Variants in RBFOX1 observed in about 807,000 individuals in gnomAD.
RBFOX1 encodes RNA binding fox-1 homolog 1.
A neutral mutation model predicts 57.7 loss-of-function variants in RBFOX1; 8 were observed. That is an observed-to-expected ratio of 0.14 (90% CI 0.08 to 0.25). RBFOX1 has a LOEUF of 0.25. RBFOX1 is among the 10% of genes least tolerant of loss of function. RBFOX1 has a pLI of 1.00. For synonymous variants in RBFOX1, 326 were observed against 222.4 expected, an observed-to-expected ratio of 1.47 and a Z score of -4.15; for missense variants, 611 against 548.5, an observed-to-expected ratio of 1.11 and a Z score of -1.14.
chr16:5,711,652 C>A (rs888091194), intron 3 of RBFOX1, among the ~76,000 whole-genome samples: 1 of 152,142 alleles, frequency 6.6e-6, no homozygotes, highest in Admixed American at 6.5e-5. Flanking sequence ...TGAACTGGAA[C>A]CAAATCTTAA....
At chr16:6,655,781 C>A (rs1032010839) in intron 3 of RBFOX1, among the ~76,000 whole-genome samples, 1 of 152,134 alleles carries the variant, frequency 6.6e-6, no homozygotes, top group African/African-American at 2.4e-5. Flanking sequence ...TTTCTCCTTT[C>A]AAGTGTACCA....
chr16:7,415,546 C>T (rs991786212), intron 4 of RBFOX1, among the ~76,000 whole-genome samples: 1 of 152,152 alleles, frequency 6.6e-6, no homozygotes, highest in African/African-American at 2.4e-5. Context: ...TGAAACCCAC[C>T]TGTCCACTTT....
chr16:7,208,261 C>A (rs1274898232), intron 4 of RBFOX1, among the ~76,000 whole-genome samples: 1 of 152,198 alleles, frequency 6.6e-6, no homozygotes, highest in African/African-American at 2.4e-5. Flanking sequence ...AATCCTGGCT[C>A]CCTTTGCCTC....
At chr16:5,828,663 C>T (rs2056160227) in intron 3 of RBFOX1, among the ~76,000 whole-genome samples, 1 of 151,998 alleles carries the variant, frequency 6.6e-6, no homozygotes, top group African/African-American at 2.4e-5. Context: ...CATGCTACTG[C>T]AGTCCAGCCT....
chr16:6,263,703 T>G (rs975161875), intron 1 of RBFOX1, among the ~76,000 whole-genome samples: 2 of 151,852 alleles, frequency 1.3e-5, no homozygotes, highest in Non-Finnish European at 2.9e-5. Flanking sequence ...TTTTGTAAAT[T>G]GAGGAATTTT....
chr16:5,779,796 TG>T (rs772158042), intron 3 of RBFOX1, among the ~76,000 whole-genome samples: 4 of 152,208 alleles, frequency 2.6e-5, no homozygotes, highest in Non-Finnish European at 5.9e-5. Context: ...AGGCCACGAC[TG>T]TCTTGTCTAA....
intron 3 of RBFOX1, among the ~76,000 whole-genome samples, chr16:6,860,335 T>G (rs1209507366): frequency 1.3e-5 from 2 of 152,176 alleles, no homozygotes; most frequent in East Asian, 1.9e-4. Flanking sequence ...TGTTTTTGGC[T>G]GGGGGTGGTA....
At chr16:6,140,137 A>G (rs1043654970) in intron 1 of RBFOX1, among the ~76,000 whole-genome samples, 1 of 151,464 alleles carries the variant, frequency 6.6e-6, no homozygotes, top group African/African-American at 2.4e-5. Context: ...TTAAGATACT[A>G]CTGTCTGATA....
chr16:5,261,004 G>T (rs1362310000), intron 1 of RBFOX1: 1 of 152,204 alleles, frequency 6.6e-6, no homozygotes. Flanking sequence ...CGGTCGATTG[G>T]TCATGAACTT....
At chr16:7,521,957 A>G (rs1271338186) in intron 5 of RBFOX1, among the ~76,000 whole-genome samples, 1 of 152,146 alleles carries the variant, frequency 6.6e-6, no homozygotes, top group African/African-American at 2.4e-5. Context: ...TTCAGGCTCC[A>G]GTCACCACCT....
At chr16:6,259,315 C>T (rs1310806190) in intron 1 of RBFOX1, among the ~76,000 whole-genome samples, 1 of 152,090 alleles carries the variant, frequency 6.6e-6, no homozygotes, top group Non-Finnish European at 1.5e-5. Context: ...CAGTCTCCCT[C>T]CTCTCCTCTC....
At position 6,177,469 on chromosome 16, in the gene RBFOX1, G is replaced by T. The variant is rs10500333; in HGVS notation, c.-126-139526G>T. 5.5e-3 allele frequency among the ~76,000 whole-genome samples: 840 copies of T among 152,066 alleles called. 5 individuals are homozygous for T. The highest frequency in any genetic ancestry group is 0.016 in the Admixed American group (244 of 15,260). Reference sequence around the variant, plus strand: ...GAGGTGGTGTGCATATCATGTGAATGGAAAGGCTTAATAATTTTCATACTG... The same window carrying T: ...GAGGTGGTGTGCATATCATGTGAATTGAAAGGCTTAATAATTTTCATACTG... On this transcript the variant is annotated intron_variant, in intron 1 of 15. Transcript: ENST00000550418.
chr16:6,764,735 G>C (rs1456695392), intron 3 of RBFOX1, among the ~76,000 whole-genome samples: 1 of 152,038 alleles, frequency 6.6e-6, no homozygotes, highest in Admixed American at 6.6e-5. Flanking sequence ...TCAGGTGTAC[G>C]AGACCAACCT....
intron 3 of RBFOX1, chr16:6,723,822 A>G (rs2154166551): frequency 6.6e-6 from 1 of 151,996 alleles, no homozygotes; most frequent in East Asian, 1.9e-4. Flanking sequence ...TCAAGATCTT[A>G]GCTTACTGAC....
rs768218190 is a variant in RBFOX1 at position 5,627,223 on chromosome 16, A to G, written c.318+28262A>G. Among the ~76,000 whole-genome samples, 134 of 152,350 alleles carry G rather than the reference A, an allele frequency of 8.8e-4. 1 individual carries two copies. The highest frequency in any genetic ancestry group is 1.7e-3 in the Non-Finnish European group (115 of 68,026). Reference sequence around the variant, plus strand: ...AATAATTTGAGCTGAAAATGATTCTATCATATCCCATGTAGTGGCACCAAA... The same window carrying G: ...AATAATTTGAGCTGAAAATGATTCTGTCATATCCCATGTAGTGGCACCAAA... On this transcript the variant is annotated intron_variant, in intron 3 of 19. Coordinates refer to the RBFOX1 transcript ENST00000641259.
chr16:7,440,072 C>T (rs1055105066), intron 4 of RBFOX1, among the ~76,000 whole-genome samples: 6 of 151,752 alleles, frequency 4.0e-5, no homozygotes, highest in African/African-American at 1.5e-4. Context: ...CCACCTCAGC[C>T]CCTCAAGTTG....
intron 3 of RBFOX1, among the ~76,000 whole-genome samples, chr16:5,630,734 A>G (rs147725095): frequency 6.6e-6 from 1 of 152,134 alleles, no homozygotes; most frequent in Admixed American, 6.5e-5. Flanking sequence ...ATTCATACCC[A>G]GGCAGTATCT....
rs112632681 is a variant in RBFOX1 at position 6,284,036 on chromosome 16, C to T, written c.-126-32959C>T. On this transcript the variant is annotated intron_variant, in intron 1 of 15. Transcript: ENST00000550418. Reference sequence around the variant, plus strand: ...TGCTGGAATGGATGGAGAGAAAGGGCTTTGCCTGTGTAGCTTGTTTTTAAC... The same window carrying T: ...TGCTGGAATGGATGGAGAGAAAGGGTTTTGCCTGTGTAGCTTGTTTTTAAC... Among the ~76,000 whole-genome samples, 1,151 of 152,250 alleles carry T rather than the reference C, an allele frequency of 7.6e-3. 15 individuals are homozygous for T. Among genetic ancestry groups the T allele is most frequent in the African/African-American group, 0.025 (1,057 of 41,554 alleles).
rs111208322 is a variant in RBFOX1 at position 6,898,887 on chromosome 16, C to T, written c.-15-153170C>T. Among the ~76,000 whole-genome samples, 33 of 102,802 alleles carry T rather than the reference C, an allele frequency of 3.2e-4. 1 individual carries two copies. The highest frequency in any genetic ancestry group is 5.5e-4 in the East Asian group (2 of 3,652). 67.4% of individuals were successfully genotyped at this position (102,802 alleles called of 152,430 possible). Reference sequence around the variant, plus strand: ...TACACACATGTACACGTGTATAATACGTGTGTGCATCTCGTATGTGTTTGT... The same window carrying T: ...TACACACATGTACACGTGTATAATATGTGTGTGCATCTCGTATGTGTTTGT... On this transcript the variant is annotated intron_variant, in intron 3 of 15. Coordinates refer to ENST00000550418, the MANE Select transcript of RBFOX1 (RefSeq NM_018723.4).
Sources: allele counts gnomAD v4.1 joint callset (sites outside exome capture counted in the v4.1 genomes callset), GRCh38; gene constraint gnomAD v4.1.1; transcripts MANE v1.5; gene names NCBI Gene and HGNC (gene_info 2026-07-23, HGNC 2026-07-21).